Variants in SHC4 observed in about 807,000 individuals in gnomAD.
SHC4 encodes SHC-transforming protein 4.
In SHC4, 41 loss-of-function variants were observed where a neutral mutation model predicts 69.4. The observed-to-expected ratio is 0.59, with a 90% confidence interval of 0.46 to 0.77. The LOEUF (loss-of-function observed/expected upper bound fraction) is 0.77. Ranked by LOEUF, SHC4 falls within the 30% of genes least tolerant of loss-of-function variation. The pLI is 0.00. For missense variants in SHC4, 777 were observed against 783.8 expected, an observed-to-expected ratio of 0.99 and a Z score of 0.10; for synonymous variants, 318 against 299.3, an observed-to-expected ratio of 1.06 and a Z score of -0.64.
chr15:48,894,554 C>T (rs1271646903), intron 2 of SHC4, among the ~76,000 whole-genome samples: 1 of 152,162 alleles, frequency 6.6e-6, no homozygotes. Flanking sequence ...CTTTATTTCT[C>T]TCTCTGCTCC....
chr15:48,896,179 C>T (rs1182432832), intron 2 of SHC4, among the ~76,000 whole-genome samples: 1 of 151,794 alleles, frequency 6.6e-6, no homozygotes, highest in African/African-American at 2.4e-5. Flanking sequence ...ACAAACTTTC[C>T]TTCTTTCTTT....
At chr15:48,950,970 C>A (rs1347086570) in intron 1 of SHC4, among the ~76,000 whole-genome samples, 1 of 152,076 alleles carries the variant, frequency 6.6e-6, no homozygotes, top group Non-Finnish European at 1.5e-5. Context: ...ACTCTCTCCA[C>A]CCTCTCCCTA....
At chr15:48,829,303 T>C (rs12907691) in intron 11 of SHC4, among the ~76,000 whole-genome samples, 1 of 152,200 alleles carries the variant, frequency 6.6e-6, no homozygotes, top group African/African-American at 2.4e-5. Context: ...ATCTGTCTGG[T>C]GTTCTATCCA....
chr15:48,936,425 C>T (rs1481365185), intron 1 of SHC4, among the ~76,000 whole-genome samples: 1 of 152,204 alleles, frequency 6.6e-6, no homozygotes, highest in Non-Finnish European at 1.5e-5. Flanking sequence ...CAAAGCCTTT[C>T]ACTTGGCCCA....
At position 48,962,978 on chromosome 15, in the gene SHC4, A is replaced by G; in HGVS notation, c.38T>C (p.Val13Ala). Reference sequence around the variant, plus strand: ...GTGCCCGAAGAGTCCTACATACAGCACGAGTCCTGCCAGGCTGTCCTGGCC... The same window carrying G: ...GTGCCCGAAGAGTCCTACATACAGCGCGAGTCCTGCCAGGCTGTCCTGGCC... ...ERGQDSLAGL[V>A]LYVGLFGHPG... The change falls in exon 1 of 12, where the codon GTG becomes GCG. Residue 13 changes from valine (V) to alanine (A), a missense_variant. Coordinates refer to ENST00000332408, the MANE Select transcript of SHC4 (RefSeq NM_203349.4). 5 of 1,612,302 alleles carry G rather than the reference A, an allele frequency of 3.1e-6. No homozygotes were observed. Among genetic ancestry groups the G allele is most frequent in the Non-Finnish European group, 4.2e-6 (5 of 1,179,554 alleles).
At chr15:48,893,915 G>T (rs1404478551) in intron 2 of SHC4, among the ~76,000 whole-genome samples, 1 of 152,200 alleles carries the variant, frequency 6.6e-6, no homozygotes, top group Non-Finnish European at 1.5e-5. Context: ...CAGTGCCACT[G>T]CACTCCCACC....
intron 8 of SHC4, among the ~76,000 whole-genome samples, chr15:48,852,294 G>A (rs1255512296): frequency 2.6e-5 from 4 of 152,128 alleles, no homozygotes; most frequent in Non-Finnish European, 4.4e-5. Flanking sequence ...GTTTTTATTG[G>A]AGGAGATGAA....
At chr15:48,842,489 C>G (rs1382060911) in intron 10 of SHC4, among the ~76,000 whole-genome samples, 1 of 152,162 alleles carries the variant, frequency 6.6e-6, no homozygotes, top group African/African-American at 2.4e-5. Context: ...AACCTTGAAA[C>G]CTAAAACAAC....
At chr15:48,918,373 A>G (rs763830838) in intron 2 of SHC4, among the ~76,000 whole-genome samples, 2 of 152,216 alleles carry the variant, frequency 1.3e-5, no homozygotes, top group Non-Finnish European at 2.9e-5. Flanking sequence ...TCAAGGCCAT[A>G]TGGACCACTT....
At chr15:48,873,751 A>C (rs1595740391) in intron 4 of SHC4, among the ~76,000 whole-genome samples, 1 of 152,178 alleles carries the variant, frequency 6.6e-6, no homozygotes, top group Non-Finnish European at 1.5e-5. Flanking sequence ...AAAAAAAAAA[A>C]CAGAAAAATA....
At chr15:48,855,332 C>T (rs1899290961) in intron 8 of SHC4, among the ~76,000 whole-genome samples, 1 of 151,874 alleles carries the variant, frequency 6.6e-6, no homozygotes, top group African/African-American at 2.4e-5. Context: ...GCAATTAAAC[C>T]ACTGGTGACC....
intron 6 of SHC4, among the ~76,000 whole-genome samples, chr15:48,861,539 T>C (rs1899442235): frequency 6.6e-6 from 1 of 152,154 alleles, no homozygotes; most frequent in Non-Finnish European, 1.5e-5. Flanking sequence ...TTAAAACCAA[T>C]TCCAAAAGCT....
At chr15:48,913,446 C>A (rs1018903357) in intron 2 of SHC4, among the ~76,000 whole-genome samples, 3 of 152,116 alleles carry the variant, frequency 2.0e-5, no homozygotes, top group African/African-American at 7.2e-5. Flanking sequence ...TCCCACCGTG[C>A]TCTCCCCAAT....
At chr15:48,914,401 A>T (rs775010042) in intron 2 of SHC4, among the ~76,000 whole-genome samples, 1 of 152,148 alleles carries the variant, frequency 6.6e-6, no homozygotes, top group Admixed American at 6.5e-5. Context: ...AAAAGGGGAA[A>T]TTACTCCTTT....
At position 48,963,388 on chromosome 15, in the gene SHC4, G is replaced by A. The variant is rs1473788046; in HGVS notation, c.-373C>T. The A allele has an allele frequency of 4.2e-6, 1 of 237,604 alleles. No homozygotes were observed. The highest frequency in any genetic ancestry group is 8.2e-6 in the Non-Finnish European group (1 of 122,336). The allele number at this position is 237,604 out of a possible 1,614,324, so 14.7% of individuals were successfully genotyped here. The stretch of plus-strand genomic sequence containing the variant: ...GCCCGCTGCATCACTAGCCTTGCAG[G>A]AGCCTAGTAGAAATATTTAGCACCC... On this transcript the variant is annotated 5_prime_UTR_variant, in exon 1 of 12. Coordinates refer to ENST00000332408, the MANE Select transcript of SHC4 (RefSeq NM_203349.4).
chr15:48,885,691 T>C (rs528162369), intron 3 of SHC4, among the ~76,000 whole-genome samples: 2 of 152,336 alleles, frequency 1.3e-5, no homozygotes, highest in East Asian at 3.9e-4. Context: ...ACCAAACTGT[T>C]AAACACACAC....
chr15:48,877,337 A>G, intron 4 of SHC4: 1 of 678,664 alleles, frequency 1.5e-6, no homozygotes, highest in Non-Finnish European at 1.8e-6. Flanking sequence ...ACATAACTAT[A>G]ATGTAATAAT....
rs540312919 is a variant in SHC4, at chr15:48,880,705, A to C, written c.840+3543T>G. Among the ~76,000 whole-genome samples, 9 of 152,300 alleles carry C rather than the reference A, an allele frequency of 5.9e-5. No individual in the cohort carries two copies. In the South Asian group the frequency reaches 1.5e-3, roughly 25 times the overall value. On this transcript the variant is annotated intron_variant, in intron 4 of 11. Transcript: ENST00000332408. ...TTGGTTGTTTTTCAGTCTTAAAAATAGGCAGTAAGCTGAGAGACAATGAAA... is the reference window on the plus strand; with the variant it reads ...TTGGTTGTTTTTCAGTCTTAAAAATCGGCAGTAAGCTGAGAGACAATGAAA...
At position 48,824,419 on chromosome 15, in the gene SHC4, A is replaced by AC. The variant is rs1392005695; in HGVS notation, c.*1551_*1552insG. ...ATATCCAGATAACTCAAGATTAAAA[A>AC]AAAAAACAAAAAACATTTTTCTTGG... On this transcript the variant is annotated 3_prime_UTR_variant, in exon 12 of 12. Coordinates refer to ENST00000332408, the MANE Select transcript of SHC4 (RefSeq NM_203349.4). 6.6e-6 allele frequency: 1 copy of AC among 152,028 alleles called. No individual in the cohort carries two copies. Among genetic ancestry groups the AC allele is most frequent in the Non-Finnish European group, 1.5e-5 (1 of 67,982 alleles). 9.4% of individuals were successfully genotyped at this position (152,028 alleles called of 1,614,324 possible).
Sources: gnomAD v4.1 joint callset for allele counts (sites outside exome capture counted in the v4.1 genomes callset) on GRCh38, gnomAD v4.1.1 for gene constraint, MANE v1.5 for transcripts, NCBI Gene and HGNC (gene_info 2026-07-23, HGNC 2026-07-21) for gene names.